Variants in CACNA1A observed in about 807,000 individuals in gnomAD.
The protein encoded by CACNA1A is voltage-dependent P/Q-type calcium channel subunit alpha-1A.
A neutral mutation model predicts 262.4 loss-of-function variants in CACNA1A; 57 were observed. That is an observed-to-expected ratio of 0.22 (90% confidence interval 0.18 to 0.27). The LOEUF (loss-of-function observed/expected upper bound fraction) is 0.27. Among genes scored for constraint, CACNA1A ranks in the 10% least tolerant of loss-of-function variants. The pLI, the probability that CACNA1A is intolerant of heterozygous loss-of-function variation, is 1.00. For synonymous variants in CACNA1A, 1,431 were observed against 1,419.3 expected (o/e 1.01, Z -0.18); for missense variants, 2,526 against 3,562.8 (o/e 0.71, Z 7.41).
chr19:13,419,353 C>A (rs1350925426), intron 3 of CACNA1A, among the ~76,000 whole-genome samples: 1 of 152,174 alleles, frequency 6.6e-6, no homozygotes, highest in African/African-American at 2.4e-5. Flanking sequence ...CACACAATGA[C>A]AAAATCGCCT....
Position 13,275,831 on chromosome 19 carries a change from C to T in CACNA1A, c.3989+19G>A, listed in dbSNP as rs1241057855. On this transcript the variant is annotated intron_variant, in intron 24 of 46. Transcript: ENST00000360228. ...GTTGGGGGAAAAGAGGCAAGAGGAA[C>T]CCTTGCGAGGAGACTTACGTGAAGG... 1.3e-6 allele frequency: 2 copies of T among 1,538,576 alleles called. No homozygotes were observed. The highest frequency in any genetic ancestry group is 1.8e-6 in the Non-Finnish European group (2 of 1,111,560).
intron 10 of CACNA1A, among the ~76,000 whole-genome samples, chr19:13,329,802 C>T (rs1296035952): frequency 2.1e-5 from 3 of 141,360 alleles, no homozygotes; most frequent in African/African-American, 5.6e-5. Context: ...TTTTTCTGTG[C>T]CCAGGCTGGA....
At chr19:13,295,584 T>C (rs1263272447) in intron 19 of CACNA1A, among the ~76,000 whole-genome samples, 3 of 151,964 alleles carry the variant, frequency 2.0e-5, no homozygotes, top group African/African-American at 7.3e-5. Context: ...CTTGAACTCC[T>C]GGGCTCAAGC....
intron 19 of CACNA1A, among the ~76,000 whole-genome samples, chr19:13,296,720 T>A (rs183701264): frequency 6.6e-6 from 1 of 152,144 alleles, no homozygotes; most frequent in Non-Finnish European, 1.5e-5. Flanking sequence ...CTGCTCTCCC[T>A]TCAATTCTAA....
chr19:13,440,555 G>A (rs73925307), intron 3 of CACNA1A, among the ~76,000 whole-genome samples: 2,114 of 152,138 alleles, frequency 0.014, 51 homozygotes, highest in African/African-American at 0.049. Context: ...TAATATAATT[G>A]AGCACTTATT....
rs34070721 is a variant in CACNA1A, at chr19:13,215,621, GTT to G, written c.5732-1015_5732-1014del. On this transcript the variant is annotated intron_variant, in intron 38 of 46. Coordinates refer to ENST00000360228, the MANE Select transcript of CACNA1A (RefSeq NM_001127222.2). ...ATGCGTGAGCCACCGCGTCTGGCCTGTTTTTTTTTTTTTTTTGACAGAGTCTC... is the reference window on the plus strand; with the variant it reads ...ATGCGTGAGCCACCGCGTCTGGCCTGTTTTTTTTTTTTTTGACAGAGTCTC... Among the ~76,000 whole-genome samples the G allele has an allele frequency of 2.9e-3, 397 of 135,004 alleles. 4 individuals carry two copies. The highest frequency in any genetic ancestry group is 7.7e-3 in the African/African-American group (278 of 35,978). The allele number at this position is 135,004 out of a possible 152,430, so 88.6% of individuals were successfully genotyped here.
chr19:13,380,075 G>A (rs1317039240), intron 3 of CACNA1A, among the ~76,000 whole-genome samples: 12 of 135,728 alleles, frequency 8.8e-5, no homozygotes, highest in Non-Finnish European at 1.4e-4. Flanking sequence ...CACAAGGTCA[G>A]GAGTTCGAGA....
intron 3 of CACNA1A, among the ~76,000 whole-genome samples, chr19:13,421,551 T>G (rs557719143): frequency 7.0e-4 from 107 of 152,214 alleles, no homozygotes; most frequent in African/African-American, 2.4e-3. Context: ...GTCACCAATG[T>G]GAAGATATTA....
intron 3 of CACNA1A, among the ~76,000 whole-genome samples, chr19:13,432,881 G>A (rs570131671): frequency 1.3e-5 from 2 of 152,204 alleles, no homozygotes; most frequent in East Asian, 3.9e-4. Context: ...AAGTCAGGCT[G>A]GGTGCAGTGG....
intron 3 of CACNA1A, among the ~76,000 whole-genome samples, chr19:13,433,460 C>CAAAAAAAAAA (rs533297364): frequency 3.8e-4 from 29 of 76,216 alleles, no homozygotes; most frequent in East Asian, 1.3e-3. Flanking sequence ...GACGCTGTCT[C>CAAAAAAAAAA]AAAAAAAAAA....
At chr19:13,211,885 T>C in intron 43 of CACNA1A, 2 of 536,502 alleles carry the variant, frequency 3.7e-6, no homozygotes, top group Non-Finnish European at 3.3e-6. Flanking sequence ...GGGGGAGCAC[T>C]TTCCTCTCTG....
chr19:13,506,421 G>C lies in CACNA1A; in HGVS notation c.-197C>G. ...GCCTCGGGTCGGGGGCTCAGAAGGC[G>C]GCTGCCCGGGCCGAGCCGGGGATAG... On this transcript the variant is annotated 5_prime_UTR_variant, in exon 1 of 47. Transcript: ENST00000360228. 1 of 399,190 alleles carries C rather than the reference G, an allele frequency of 2.5e-6. No individual in the cohort carries two copies. The highest frequency in any genetic ancestry group is 4.3e-6 in the Non-Finnish European group (1 of 230,694). The allele number at this position is 399,190 out of a possible 1,614,324, so 24.7% of individuals were successfully genotyped here. A position where few individuals can be genotyped will look rare whatever the true frequency, so the allele number is the denominator to read the frequency against.
At chr19:13,363,464 A>G (rs2059149057) in intron 5 of CACNA1A, 1 of 151,636 alleles carries the variant, frequency 6.6e-6, no homozygotes, top group Non-Finnish European at 1.5e-5. Context: ...CCAGGAGAGA[A>G]AGAGACAGGA....
rs2054597859 is a variant in CACNA1A at position 13,207,162 on chromosome 19, C to T, written c.*151G>A. On this transcript the variant is annotated 3_prime_UTR_variant, in exon 47 of 47. Coordinates refer to ENST00000360228, the MANE Select transcript of CACNA1A (RefSeq NM_001127222.2). This position sits in a 1 kb window ranked among gnomAD's most constrained non-coding sequence, Gnocchi z 5.7. ...GGGTCTCTGCGGGACACCCTTGTGG[C>T]CCAGCCCTGGCCTCTCCAGAGTCTG... 2.3e-6 allele frequency: 2 copies of T among 861,856 alleles called. No homozygotes were observed. Among genetic ancestry groups the T allele is most frequent in the Admixed American group, 3.9e-5 (1 of 25,638 alleles). The allele number at this position is 861,856 out of a possible 1,614,324, so 53.4% of individuals were successfully genotyped here. A position where few individuals can be genotyped will look rare whatever the true frequency, so the allele number is the denominator to read the frequency against.
intron 1 of CACNA1A, among the ~76,000 whole-genome samples, 179 bp downstream of exon 1, chr19:13,505,753 C>A (rs919985041): frequency 2.6e-5 from 4 of 151,714 alleles, no homozygotes; most frequent in African/African-American, 7.3e-5. Context: ...TAGCTCAACC[C>A]AGCTCGGGGT....
In CACNA1A at chr19:13,209,512, C is replaced by T. The variant is rs1478427486; in HGVS notation, c.6340-14G>A. ...GTCTGAGATGGTCTGGGGGAGGGGACAGGCCGGTGGGCTGGGGTCAGCAGC... is the reference window on the plus strand; with the variant it reads ...GTCTGAGATGGTCTGGGGGAGGGGATAGGCCGGTGGGCTGGGGTCAGCAGC... On this transcript the variant is annotated splice_polypyrimidine_tract_variant and intron_variant, in intron 44 of 46. Coordinates refer to ENST00000360228, the MANE Select transcript of CACNA1A (RefSeq NM_001127222.2). The T allele has an allele frequency of 7.7e-7, 1 of 1,295,068 alleles. No individual in the cohort carries two copies. The highest frequency in any genetic ancestry group is 9.9e-7 in the Non-Finnish European group (1 of 1,013,890). 80.2% of individuals were successfully genotyped at this position (1,295,068 alleles called of 1,614,324 possible).
intron 3 of CACNA1A, 38 bp from the exon 4 acceptor site, chr19:13,371,817 G>A (rs1362643666): frequency 6.8e-7 from 1 of 1,460,772 alleles, no homozygotes; most frequent in Admixed American, 2.0e-5. Context: ...CAGAGGGTGG[G>A]TTTTGGGGGT....
At chr19:13,417,555 G>C (rs2060244484) in intron 3 of CACNA1A, among the ~76,000 whole-genome samples, 1 of 152,146 alleles carries the variant, frequency 6.6e-6, no homozygotes, top group Non-Finnish European at 1.5e-5. Flanking sequence ...GGATGAACTG[G>C]CCTGGGCTTC....
intron 25 of CACNA1A, 55 bp from the exon 26 acceptor site, chr19:13,261,665 T>G: frequency 6.5e-7 from 1 of 1,543,806 alleles, no homozygotes; most frequent in Non-Finnish European, 8.8e-7. Context: ...CCCAACCTTC[T>G]GCCTCCAGTG....
Sources: allele counts gnomAD v4.1 joint callset (sites outside exome capture counted in the v4.1 genomes callset), GRCh38; gene constraint gnomAD v4.1.1; non-coding constraint Gnocchi (gnomAD v3.1); transcripts MANE v1.5; gene names NCBI Gene and HGNC (gene_info 2026-07-23, HGNC 2026-07-21).